The following ERFL variants were observed in gnomAD, a reference collection of about 807,000 sequenced individuals.
ERFL encodes the protein ETS domain-containing transcription factor ERF-like.
A neutral mutation model predicts 27.9 loss-of-function variants in ERFL; 8 were observed. The observed-to-expected ratio is 0.29, with a 90% CI of 0.17 to 0.52. The LOEUF is 0.52. Among genes scored for constraint, ERFL ranks in the 20% least tolerant of loss-of-function variants. The pLI is 0.97. For synonymous variants in ERFL, 174 were observed against 202.8 expected (o/e 0.86, Z 1.21); for missense variants, 294 against 444.4 (o/e 0.66, Z 3.04).
At chr19:41,924,119 G>C (rs1317531089) in intron 1 of ERFL, among the ~76,000 whole-genome samples, 1 of 151,644 alleles carries the variant, frequency 6.6e-6, no homozygotes, top group African/African-American at 2.4e-5. Context: ...GTCAATGAAG[G>C]GTGAGAAAGT....
chr19:41,909,590 CTG>C lies in ERFL; in HGVS notation c.303-121_303-120del, dbSNP rs2074741185. The C allele has an allele frequency of 1.1e-6, 1 of 883,014 alleles. No homozygotes were observed. Among genetic ancestry groups the C allele is most frequent in the African/African-American group, 1.7e-5 (1 of 58,308 alleles). The allele number at this position is 883,014 out of a possible 1,614,324, so 54.7% of individuals were successfully genotyped here. A position where few individuals can be genotyped will look rare whatever the true frequency, so the allele number is the denominator to read the frequency against. ...CACAGAGCACTAGAACTTGGGGAAACTGAGGCTCACAGAAGTCCCTTAATAGG... is the reference window on the plus strand; with the variant it reads ...CACAGAGCACTAGAACTTGGGGAAACAGGCTCACAGAAGTCCCTTAATAGG... On this transcript the variant is annotated intron_variant, in intron 3 of 5. Coordinates refer to ENST00000597630, the MANE Select transcript of ERFL (RefSeq NM_001365103.2). This position sits in a 1 kb window ranked among gnomAD's most constrained non-coding sequence, Gnocchi z 5.2.
At chr19:41,922,196 G>A (rs145802967) in intron 1 of ERFL, among the ~76,000 whole-genome samples, 49 of 152,272 alleles carry the variant, frequency 3.2e-4, no homozygotes, top group African/African-American at 1.2e-3. Flanking sequence ...AAGGGCCAGG[G>A]CTCAGGCATC....
intron 1 of ERFL, among the ~76,000 whole-genome samples, chr19:41,918,359 C>G (rs2074814974): frequency 6.6e-6 from 1 of 150,894 alleles, no homozygotes. Context: ...ACCATACACA[C>G]ACCATACCAC....
rs1250943852 is a variant in ERFL at position 41,918,600 on chromosome 19, CACAG to C, written c.-13-5672_-13-5669del. On this transcript the variant is annotated intron_variant, in intron 1 of 5. Coordinates refer to ENST00000597630, the MANE Select transcript of ERFL (RefSeq NM_001365103.2). ...CACACACAGTACATACACTACCCAT[CACAG>C]ACAAACCACACACACCACATCACTA... 3.4e-5 allele frequency among the ~76,000 whole-genome samples: 5 copies of C among 148,612 alleles called. 1 individual carries two copies. Among genetic ancestry groups the C allele is most frequent in the African/African-American group, 5.0e-5 (2 of 39,882 alleles).
In ERFL at chr19:41,917,865, C is replaced by T. The variant is rs1346732746; in HGVS notation, c.-13-4933G>A. On this transcript the variant is annotated intron_variant, in intron 1 of 5. Coordinates refer to ENST00000597630, the MANE Select transcript of ERFL (RefSeq NM_001365103.2). This position sits in a 1 kb window ranked among gnomAD's most constrained non-coding sequence, Gnocchi z 4.8. ...CCCCACCCATCTGTTGCCACACAAA[C>T]GAGCCCCCAACACCCTGTCCCATCT... is the stretch of plus-strand genomic sequence containing the variant. 1.8e-4 allele frequency among the ~76,000 whole-genome samples: 27 copies of T among 152,126 alleles called. No individual in the cohort carries two copies. The highest frequency in any genetic ancestry group is 2.6e-4 in the Non-Finnish European group (18 of 67,984).
In ERFL at chr19:41,914,563, A is replaced by C. The variant is rs868957595; in HGVS notation, c.-13-1631T>G. 6.0e-4 allele frequency among the ~76,000 whole-genome samples: 34 copies of C among 56,654 alleles called. 1 individual carries two copies. Among genetic ancestry groups the C allele is most frequent in the South Asian group, 2.1e-3 (2 of 964 alleles). 37.2% of individuals were successfully genotyped at this position (56,654 alleles called of 152,430 possible). A position where few individuals can be genotyped will look rare whatever the true frequency, so the allele number is the denominator to read the frequency against. On this transcript the variant is annotated intron_variant, in intron 1 of 5. Coordinates refer to ENST00000597630, the MANE Select transcript of ERFL (RefSeq NM_001365103.2). Reference sequence around the variant, plus strand: ...ATCCGTCTTTCCCTCCCCTTCCACCATCTCTGTCTCCGTCTCTCCCTCCCT... The same window carrying C: ...ATCCGTCTTTCCCTCCCCTTCCACCCTCTCTGTCTCCGTCTCTCCCTCCCT...
chr19:41,909,517 G>T lies in ERFL; in HGVS notation c.303-46C>A, dbSNP rs1350122124. The T allele has an allele frequency of 1.0e-5, 13 of 1,241,784 alleles. No individual in the cohort carries two copies. The Admixed American group carries it at 4.0e-4, about 38-fold the overall frequency. 76.9% of individuals were successfully genotyped at this position (1,241,784 alleles called of 1,614,324 possible). ...TTGGGGAGGTGCAGGGGGAGCCCTG[G>T]GGCGGGATCTGGGGTTTCTTAATGC... On this transcript the variant is annotated intron_variant, in intron 3 of 5. Transcript: ENST00000597630. The surrounding 1 kb of genome is among the most constrained non-coding windows in gnomAD (Gnocchi z 5.2).
chr19:41,908,750 C>T lies in ERFL; in HGVS notation c.617-74G>A. ...ACCAGTAAAGGGGGCTGCCTCCCTG[C>T]CATATCCCACCCCATCTCCCCGCAT... On this transcript the variant is annotated intron_variant, in intron 5 of 5. Coordinates refer to ENST00000597630, the MANE Select transcript of ERFL (RefSeq NM_001365103.2). This position sits in a 1 kb window ranked among gnomAD's most constrained non-coding sequence, Gnocchi z 6.7. 1 of 737,862 alleles carries T rather than the reference C, an allele frequency of 1.4e-6. No homozygotes were observed. The highest frequency in any genetic ancestry group is 1.9e-6 in the Non-Finnish European group (1 of 536,856). The allele number at this position is 737,862 out of a possible 1,614,324, so 45.7% of individuals were successfully genotyped here.
intron 1 of ERFL, among the ~76,000 whole-genome samples, chr19:41,925,869 A>G (rs994037846): frequency 7.2e-5 from 11 of 151,870 alleles, no homozygotes; most frequent in Non-Finnish European, 1.6e-4. Context: ...ACTGTCACGG[A>G]GGAGGATGGG....
rs73550630 is a variant in ERFL, at chr19:41,916,895, G to T, written c.-13-3963C>A. 0.24 allele frequency among the ~76,000 whole-genome samples: 36,360 copies of T among 151,896 alleles called. 8,864 individuals carry two copies. The highest frequency in any genetic ancestry group is 0.63 in the African/African-American group (26,021 of 41,310). Reference sequence around the variant, plus strand: ...AGACACACCCAGACACACTGGGTAGGGGTGGGCACTCAGAGATGACCCCAA... The same window carrying T: ...AGACACACCCAGACACACTGGGTAGTGGTGGGCACTCAGAGATGACCCCAA... On this transcript the variant is annotated intron_variant, in intron 1 of 5. Transcript: ENST00000597630. The surrounding 1 kb of genome is among the most constrained non-coding windows in gnomAD (Gnocchi z 5.4).
At chr19:41,926,712 G>C (rs566432120) in intron 1 of ERFL, among the ~76,000 whole-genome samples, 1 of 152,150 alleles carries the variant, frequency 6.6e-6, no homozygotes, top group East Asian at 1.9e-4. Flanking sequence ...GCGGCCGGCC[G>C]GGAGGGGGGA....
At chr19:41,914,615 CTT>C (rs1568831774) in intron 1 of ERFL, among the ~76,000 whole-genome samples, 3 of 42,252 alleles carry the variant, frequency 7.1e-5, no homozygotes, top group African/African-American at 3.5e-4. Context: ...TCTCCCTCCC[CTT>C]CCACCATCTC....
In ERFL at chr19:41,908,644, G is replaced by A. The variant is rs2074733443; in HGVS notation, c.649C>T (p.Leu217=). The A allele has an allele frequency of 8.1e-7, 1 of 1,231,730 alleles. No individual in the cohort carries two copies. The highest frequency in any genetic ancestry group is 1.0e-6 in the Non-Finnish European group (1 of 988,050). The allele number at this position is 1,231,730 out of a possible 1,614,324, so 76.3% of individuals were successfully genotyped here. A position where few individuals can be genotyped will look rare whatever the true frequency, so the allele number is the denominator to read the frequency against. The change falls in exon 6 of 6, where the codon CTG becomes TTG. Residue 217 remains leucine, a synonymous_variant. Transcript: ENST00000597630. This position sits in a 1 kb window ranked among gnomAD's most constrained non-coding sequence, Gnocchi z 6.7. ...ATSYSKPPGL[L]GPYGRAFPEY... The stretch of plus-strand genomic sequence containing the variant: ...GGGAAGGCGCGGCCATAAGGACCCA[G>A]CAGGCCAGGGGGCTTGGAATAGCTG...
rs1224111310 is a variant in ERFL, at chr19:41,909,555, A to G, written c.303-84T>C. 4.8e-6 allele frequency: 5 copies of G among 1,040,646 alleles called. No individual in the cohort carries two copies. Among genetic ancestry groups the G allele is most frequent in the Non-Finnish European group, 6.3e-6 (5 of 794,478 alleles). 64.5% of individuals were successfully genotyped at this position (1,040,646 alleles called of 1,614,324 possible). On this transcript the variant is annotated intron_variant, in intron 3 of 5. Coordinates refer to ENST00000597630, the MANE Select transcript of ERFL (RefSeq NM_001365103.2). This position sits in a 1 kb window ranked among gnomAD's most constrained non-coding sequence, Gnocchi z 5.2. ...GGTTTCTTAATGCGTGTGCTGTCCCAGGCATGGTGCACAGAGCACTAGAAC... is the reference window on the plus strand; with the variant it reads ...GGTTTCTTAATGCGTGTGCTGTCCCGGGCATGGTGCACAGAGCACTAGAAC...
In ERFL at chr19:41,917,644, A is replaced by G. The variant is rs192270446; in HGVS notation, c.-13-4712T>C. Among the ~76,000 whole-genome samples, 1 of 142,602 alleles carries G rather than the reference A, an allele frequency of 7.0e-6. No individual in the cohort carries two copies. The highest frequency in any genetic ancestry group is 1.6e-5 in the Non-Finnish European group (1 of 62,042). 93.6% of individuals were successfully genotyped at this position (142,602 alleles called of 152,430 possible). ...GCATGCACACACCATGCCCCAAAGCACACGCACGCACGCACACACACACCC... is the reference window on the plus strand; with the variant it reads ...GCATGCACACACCATGCCCCAAAGCGCACGCACGCACGCACACACACACCC... On this transcript the variant is annotated intron_variant, in intron 1 of 5. Transcript: ENST00000597630. The surrounding 1 kb of genome is among the most constrained non-coding windows in gnomAD (Gnocchi z 4.8).
At chr19:41,919,731 T>C (rs2074827001) in intron 1 of ERFL, among the ~76,000 whole-genome samples, 1 of 152,098 alleles carries the variant, frequency 6.6e-6, no homozygotes, top group Non-Finnish European at 1.5e-5. Flanking sequence ...AGGGTCGCAC[T>C]CACTTGGTCC....
rs1204433957 is a variant in ERFL, at chr19:41,910,877, G to A, written c.68-780C>T. On this transcript the variant is annotated intron_variant, in intron 2 of 5. Coordinates refer to ENST00000597630, the MANE Select transcript of ERFL (RefSeq NM_001365103.2). The surrounding 1 kb of genome is among the most constrained non-coding windows in gnomAD (Gnocchi z 4.4). Reference sequence around the variant, plus strand: ...GGCTGACATGGCAGACACAGGCTGCGCAAGACTCAAGGTCACGTCATCTCA... The same window carrying A: ...GGCTGACATGGCAGACACAGGCTGCACAAGACTCAAGGTCACGTCATCTCA... Among the ~76,000 whole-genome samples, 17 of 152,086 alleles carry A rather than the reference G, an allele frequency of 1.1e-4. No homozygotes were observed. The highest frequency in any genetic ancestry group is 1.3e-4 in the Non-Finnish European group (9 of 68,012).
In ERFL at chr19:41,907,861, G is replaced by T. The variant is rs1368322890; in HGVS notation, c.*367C>A. On this transcript the variant is annotated 3_prime_UTR_variant, in exon 6 of 6. Transcript: ENST00000597630. Reference sequence around the variant, plus strand: ...CCCCAGGGGGGCCTATATGGGGGGGGTGTCAGGACTGGGGCCAGCACAGGG... The same window carrying T: ...CCCCAGGGGGGCCTATATGGGGGGGTTGTCAGGACTGGGGCCAGCACAGGG... The T allele has an allele frequency of 9.7e-6, 2 of 206,744 alleles. No homozygotes were observed. The highest frequency in any genetic ancestry group is 1.0e-4 in the East Asian group (1 of 9,716). 12.8% of individuals were successfully genotyped at this position (206,744 alleles called of 1,614,324 possible).
chr19:41,922,167 CT>C (rs1465714649), intron 1 of ERFL, among the ~76,000 whole-genome samples: 5 of 151,926 alleles, frequency 3.3e-5, no homozygotes, highest in Admixed American at 1.3e-4. Flanking sequence ...ACCCAGAGTC[CT>C]TCTAGACGGC....
Sources: gnomAD v4.1 joint callset for allele counts (sites outside exome capture counted in the v4.1 genomes callset) on GRCh38, gnomAD v4.1.1 for gene constraint, Gnocchi (gnomAD v3.1) non-coding constraint, MANE v1.5 for transcripts, NCBI Gene and HGNC (gene_info 2026-07-23, HGNC 2026-07-21) for gene names.